The following ZNF217 variants were observed in gnomAD, a reference collection of about 807,000 sequenced individuals.
The protein encoded by ZNF217 is zinc finger protein 217.
Under a neutral mutation model 73.3 loss-of-function variants are expected in ZNF217, and 12 were observed. That is an observed-to-expected ratio of 0.16 (90% CI 0.10 to 0.27). ZNF217 has a LOEUF of 0.27. ZNF217 is among the 10% of genes least tolerant of loss of function. The pLI, the probability that ZNF217 is intolerant of heterozygous loss-of-function variation, is 1.00. For synonymous variants in ZNF217, 588 were observed against 516.4 expected (o/e 1.14, Z -1.88); for missense variants, 1,195 against 1,327.8 (o/e 0.90, Z 1.55).
chr20:53,592,735 A>G (rs982515770), intron 1 of ZNF217, among the ~76,000 whole-genome samples: 1 of 149,526 alleles, frequency 6.7e-6, no homozygotes. Flanking sequence ...CCTCTCCACC[A>G]TCCCGTCCGG....
intron 3 of ZNF217, among the ~76,000 whole-genome samples, chr20:53,577,820 G>A (rs1288223476): frequency 6.6e-6 from 1 of 152,236 alleles, no homozygotes; most frequent in African/African-American, 2.4e-5. Context: ...CTTTGTCCGG[G>A]CGCGGTGGCT....
chr20:53,594,537 C>T (rs1989004615), upstream of ZNF217, among the ~76,000 whole-genome samples: 1 of 151,476 alleles, frequency 6.6e-6, no homozygotes, highest in Non-Finnish European at 1.5e-5. Context: ...GCGCGCCGTG[C>T]CACCCTCCCC....
chr20:53,575,969 G>A lies in ZNF217; in HGVS notation c.2795C>T (p.Pro932Leu), dbSNP rs1430355424. The change falls in exon 4 of 6, where the codon CCC becomes CTC. Residue 932 changes from proline (P) to leucine (L), a missense_variant. Pro to Leu is a moderately conservative substitution (Grantham distance 98, BLOSUM62 -3). Around this residue, in one of 9 missense-constraint regions of ZNF217, gnomAD observed 649 missense variants for 642.8 expected, o/e 1.01. Transcript: ENST00000371471. ...SSVVALDVDQ[P>L]GANYRRGYDL... ...ATAGCCTCTTCTGTAATTGGCCCCG[G>A]GCTGGTCAACGTCAAGGGCAACCAC... 2 of 1,614,154 alleles carry A rather than the reference G, an allele frequency of 1.2e-6. No homozygotes were observed. The highest frequency in any genetic ancestry group is 1.1e-5 in the South Asian group (1 of 91,080).
Position 53,581,702 on chromosome 20 carries a change from A to T in ZNF217, c.1125T>A (p.Thr375=), listed in dbSNP as rs181352601. The T allele has an allele frequency of 6.2e-7, 1 of 1,614,224 alleles. No homozygotes were observed. Among genetic ancestry groups the T allele is most frequent in the East Asian group, 2.2e-5 (1 of 44,884 alleles). Residue 375 remains threonine, a synonymous_variant, in exon 2 of 6, where the codon ACT becomes ACA. Transcript: ENST00000371471. The surrounding 1 kb of genome is among the most constrained non-coding windows in gnomAD (Gnocchi z 4.9). ...AAGCTTTGCCGCACTCGGAGCAGTG[A>T]GTGGGCTTCTCCTTGCTACTGGGTA... ...PKLPSSKEKP[T]HCSECGKAFR...
chr20:53,579,761 T>C (rs928182126), intron 2 of ZNF217, among the ~76,000 whole-genome samples: 8 of 152,242 alleles, frequency 5.3e-5, no homozygotes, highest in Admixed American at 1.3e-4. Flanking sequence ...GCTGTTGAAA[T>C]TGTCCTTGGG....
In ZNF217 at chr20:53,567,096, C is replaced by T. The variant is rs532558068; in HGVS notation, c.*2192G>A. Reference sequence around the variant, plus strand: ...TTGCAAAACACCAAATCTATATTTACACTTCCACATATAATAACATAACTT... The same window carrying T: ...TTGCAAAACACCAAATCTATATTTATACTTCCACATATAATAACATAACTT... On this transcript the variant is annotated 3_prime_UTR_variant, in exon 6 of 6. Transcript: ENST00000371471. The T allele has an allele frequency of 6.6e-6, 1 of 151,772 alleles. No individual in the cohort carries two copies. The highest frequency in any genetic ancestry group is 1.9e-4 in the East Asian group (1 of 5,180). The allele number at this position is 151,772 out of a possible 1,614,324, so 9.4% of individuals were successfully genotyped here. A position where few individuals can be genotyped will look rare whatever the true frequency, so the allele number is the denominator to read the frequency against.
chr20:53,581,585 C>G lies in ZNF217; in HGVS notation c.1242G>C (p.Gly414=). The G allele has an allele frequency of 6.2e-7, 1 of 1,614,250 alleles. No individual in the cohort carries two copies. The change falls in exon 2 of 6, where the codon GGG becomes GGC. Residue 414 remains glycine (G), a synonymous_variant. Coordinates refer to ENST00000371471, the MANE Select transcript of ZNF217 (RefSeq NM_006526.3). The surrounding 1 kb of genome is among the most constrained non-coding windows in gnomAD (Gnocchi z 4.9). ...GAESPTMSVD[G]RQPGTCSPDL... Reference sequence around the variant, plus strand: ...CAGGAGAACACGTCCCCGGCTGCCTCCCGTCCACAGACATGGTGGGCGACT... The same window carrying G: ...CAGGAGAACACGTCCCCGGCTGCCTGCCGTCCACAGACATGGTGGGCGACT...
At position 53,581,478 on chromosome 20, in the gene ZNF217, G is replaced by A. The variant is rs1988480788; in HGVS notation, c.1349C>T (p.Pro450Leu). 1.9e-6 allele frequency: 3 copies of A among 1,609,354 alleles called. No individual in the cohort carries two copies. Among genetic ancestry groups the A allele is most frequent in the Non-Finnish European group, 2.5e-6 (3 of 1,176,528 alleles). ...GSEDGSEDGL[P>L]EGIHLDKNDD... is the part of the protein sequence containing the mutation. ...CAGCTTACCCAGATGGATTCCTTCG[G>A]GAAGCCCATCCTCAGATCCGTCTTC... is the stretch of plus-strand genomic sequence containing the variant. The change falls in exon 2 of 6, where the codon CCC becomes CTC. Residue 450 changes from proline to leucine, a missense_variant. By Grantham distance (98) the Pro-to-Leu change is moderately conservative. Around this residue, in one of 9 missense-constraint regions of ZNF217, gnomAD observed 116 missense variants for 121.9 expected, o/e 0.95. Coordinates refer to ENST00000371471, the MANE Select transcript of ZNF217 (RefSeq NM_006526.3). The surrounding 1 kb of genome is among the most constrained non-coding windows in gnomAD (Gnocchi z 4.9).
Position 53,573,629 on chromosome 20 carries a change from T to G in ZNF217, c.3038-1776A>C, listed in dbSNP as rs951492104. ...GCAAACCAACACACCCAGCCAATTT[T>G]TGTATTTTTAGTAGAGACGGGGTTT... On this transcript the variant is annotated intron_variant, in intron 4 of 5. Transcript: ENST00000371471. 2.0e-5 allele frequency among the ~76,000 whole-genome samples: 3 copies of G among 152,170 alleles called. No homozygotes were observed. The South Asian group carries it at 6.2e-4, about 31-fold the overall frequency.
chr20:53,583,626 T>C (rs1221752573), intron 1 of ZNF217, among the ~76,000 whole-genome samples: 1 of 152,244 alleles, frequency 6.6e-6, no homozygotes, highest in African/African-American at 2.4e-5. Flanking sequence ...AAAATTTGTT[T>C]CATATACAAA....
chr20:53,584,944 A>C (rs181150182), intron 1 of ZNF217, among the ~76,000 whole-genome samples: 1 of 152,230 alleles, frequency 6.6e-6, no homozygotes, highest in East Asian at 1.9e-4. Context: ...GCCAAGAACA[A>C]AGACTCATTT....
At chr20:53,574,278 G>C (rs1283105351) in intron 4 of ZNF217, 4 of 152,164 alleles carry the variant, frequency 2.6e-5, no homozygotes, top group Non-Finnish European at 5.9e-5. Context: ...CCAAGGATAT[G>C]GAGGGCTGAC....
At chr20:53,579,278 T>C (rs1006772692) in intron 2 of ZNF217, among the ~76,000 whole-genome samples, 1 of 151,988 alleles carries the variant, frequency 6.6e-6, no homozygotes, top group East Asian at 1.9e-4. Flanking sequence ...CCAAAACACA[T>C]GAATGTTTAA....
Position 53,577,047 on chromosome 20 carries a change from C to T in ZNF217, c.1717G>A (p.Ala573Thr). 2.5e-6 allele frequency: 4 copies of T among 1,614,212 alleles called. No individual in the cohort carries two copies. The highest frequency in any genetic ancestry group is 4.5e-5 in the East Asian group (2 of 44,890). The change falls in exon 4 of 6, where the codon GCA (alanine) becomes ACA (threonine). Residue 573 changes from alanine to threonine, a missense_variant. By Grantham distance (58) the Ala-to-Thr change is moderately conservative. Transcript: ENST00000371471. ...GAKDVTGSPP[A>T]KQLKEMPSVF... ...GAAGGCATCTCCTTAAGCTGCTTTG[C>T]AGGTGGACTGCCTGTAACATCTTTG... is the stretch of plus-strand genomic sequence containing the variant.
intron 5 of ZNF217, chr20:53,570,522 ATTTAATC>A (rs1987948312): frequency 1.3e-5 from 2 of 152,638 alleles, no homozygotes; most frequent in African/African-American, 4.8e-5. Flanking sequence ...CAAGCTTTCC[ATTTAATC>A]TTATTGTTGA....
chr20:53,578,306 C>T, intron 3 of ZNF217, 28 bp downstream of exon 3: 4 of 1,444,270 alleles, frequency 2.8e-6, no homozygotes, highest in Non-Finnish European at 2.8e-6. Flanking sequence ...TTAACTAATG[C>T]ATGGTTAAAA....
rs372042008 is a variant in ZNF217 at position 53,576,523 on chromosome 20, G to A, written c.2241C>T (p.Ser747=). Residue 747 remains serine, a synonymous_variant, in exon 4 of 6, where the codon TCC becomes TCT. Coordinates refer to ENST00000371471, the MANE Select transcript of ZNF217 (RefSeq NM_006526.3). ...PDVHKNCRNK[S]LLRSRRTGCP... The stretch of plus-strand genomic sequence containing the variant: ...ATCCGGTACGTCGACTTCTAAGCAA[G>A]GACTTGTTTCGACAGTTTTTATGAA... The A allele has an allele frequency of 1.2e-5, 19 of 1,614,128 alleles. No homozygotes were observed. The highest frequency in any genetic ancestry group is 1.6e-4 in the Middle Eastern group (1 of 6,084).
Position 53,582,464 on chromosome 20 carries a change from C to G in ZNF217, c.363G>C (p.Lys121Asn). ...SQVRTEPPKE[K>N]NCKENEFSCE... ...AGCTAAATTCATTTTCCTTGCAATT[C>G]TTTTCCTTGGGAGGTTCTGTTCGCA... The change falls in exon 2 of 6, where the codon AAG becomes AAC. Residue 121 changes from lysine (K) to asparagine (N), a missense_variant. Coordinates refer to ENST00000371471, the MANE Select transcript of ZNF217 (RefSeq NM_006526.3). The surrounding 1 kb of genome is among the most constrained non-coding windows in gnomAD (Gnocchi z 4.8). 6.2e-7 allele frequency: 1 copy of G among 1,614,180 alleles called. No individual in the cohort carries two copies. The highest frequency in any genetic ancestry group is 1.1e-5 in the South Asian group (1 of 91,082).
At chr20:53,570,414 C>G (rs926297258) in intron 5 of ZNF217, 1 of 153,044 alleles carries the variant, frequency 6.5e-6, no homozygotes, top group Admixed American at 6.5e-5. Context: ...TCCTAGCAGC[C>G]AGCAGGCACT....
Sources: gnomAD v4.1 joint callset for allele counts (sites outside exome capture counted in the v4.1 genomes callset) on GRCh38, gnomAD v4.1.1 for gene constraint, gnomAD v4.1.1 regional missense constraint, Gnocchi (gnomAD v3.1) non-coding constraint, MANE v1.5 for transcripts, NCBI Gene and HGNC (gene_info 2026-07-23, HGNC 2026-07-21) for gene names.